PLIN3: variants seen among roughly 807,000 people sequenced by gnomAD.
The protein encoded by PLIN3 is perilipin 3, also known as perilipin-3.
A neutral mutation model predicts 35.9 loss-of-function variants in PLIN3; 30 were observed. The observed-to-expected ratio is 0.84, with a 90% confidence interval of 0.62 to 1.13. PLIN3 has a LOEUF of 1.13. Ranked by LOEUF, PLIN3 falls within the 50% of genes most tolerant of loss-of-function variation. PLIN3 has a pLI of 0.00. For missense variants in PLIN3, 603 were observed against 596.9 expected (o/e 1.01, Z -0.11); for synonymous variants, 261 against 262.5 (o/e 0.99, Z 0.06).
At chr19:4,844,942 C>T (rs2030037475) in intron 6 of PLIN3, 149 bp from the exon 7 acceptor site, 13 of 905,936 alleles carry the variant, frequency 1.4e-5, no homozygotes, top group Non-Finnish European at 2.1e-5. Context: ...TTCCTGGCTA[C>T]GGTGAGCTCT....
Position 4,844,526 on chromosome 19 carries a change from C to CTGAAGGAGG in PLIN3, c.960+133_960+141dup. 4.6e-6 allele frequency: 4 copies of CTGAAGGAGG among 874,130 alleles called. No homozygotes were observed. The South Asian group carries it at 8.5e-5, about 19-fold the overall frequency. 54.1% of individuals were successfully genotyped at this position (874,130 alleles called of 1,614,324 possible). A position where few individuals can be genotyped will look rare whatever the true frequency, so the allele number is the denominator to read the frequency against. ...AAGAGGAGAAATCAAGGCAGGCTTC[C>CTGAAGGAGG]TGAAGGAGGTGTCATTAGCTTCCAA... On this transcript the variant is annotated intron_variant, in intron 7 of 7. Transcript: ENST00000221957.
In PLIN3 at chr19:4,839,312, G is replaced by A. The variant is rs753453574; in HGVS notation, c.1185C>T (p.Ala395=). 6.2e-7 allele frequency: 1 copy of A among 1,613,908 alleles called. No homozygotes were observed. Among genetic ancestry groups the A allele is most frequent in the Non-Finnish European group, 8.5e-7 (1 of 1,179,990 alleles). Residue 395 remains alanine, a synonymous_variant, in exon 8 of 8, where the codon GCC becomes GCT. Transcript: ENST00000221957. ...SILAQSRERV[A]SAREALDHMV... ...TGTGGTCCAGGGCCTCGCGGGCGCTGGCGACACGCTCACGGCTCTGGGCCA... is the reference window on the plus strand; with the variant it reads ...TGTGGTCCAGGGCCTCGCGGGCGCTAGCGACACGCTCACGGCTCTGGGCCA...
intron 5 of PLIN3, among the ~76,000 whole-genome samples, chr19:4,851,577 T>G (rs895696157): frequency 2.6e-5 from 4 of 152,042 alleles, no homozygotes; most frequent in African/African-American, 9.7e-5. Context: ...AACACCAGCA[T>G]TGTTGTCACA....
At chr19:4,864,098 AGTGTGTGTGTGTGTGTGT>A (rs71170861) in intron 1 of PLIN3, among the ~76,000 whole-genome samples, 41,731 of 125,000 alleles carry the variant, frequency 0.33, 7,401 homozygotes, top group Non-Finnish European at 0.38. Flanking sequence ...ACACCTGGCT[AGTGTGTGTGTGTGTGTGT>A]GTGTGTGTGT....
At position 4,854,209 on chromosome 19, in the gene PLIN3, C is replaced by T. The variant is rs143491331; in HGVS notation, c.349-1908G>A. Among the ~76,000 whole-genome samples, 700 of 151,950 alleles carry T rather than the reference C, an allele frequency of 4.6e-3. 2 individuals carry two copies. The highest frequency in any genetic ancestry group is 0.014 in the Middle Eastern group (4 of 294). On this transcript the variant is annotated intron_variant, in intron 4 of 7. Transcript: ENST00000221957. Reference sequence around the variant, plus strand: ...TGGCCTCCCAAAGTGCTGGGATGACCGACATGAGCCACTGTGTCCAGCTGA... The same window carrying T: ...TGGCCTCCCAAAGTGCTGGGATGACTGACATGAGCCACTGTGTCCAGCTGA...
chr19:4,841,347 G>A (rs914051095), intron 7 of PLIN3, among the ~76,000 whole-genome samples: 12 of 152,138 alleles, frequency 7.9e-5, no homozygotes, highest in Admixed American at 6.6e-4. Context: ...CGCTCAGCGC[G>A]AGAAGCCGGA....
chr19:4,852,401 A>G (rs2030331455), intron 4 of PLIN3, 100 bp from the exon 5 acceptor site: 5 of 1,400,350 alleles, frequency 3.6e-6, no homozygotes, highest in Non-Finnish European at 4.8e-6. Context: ...GGGGAGCGCC[A>G]TCCCCCGGGT....
chr19:4,861,041 T>C (rs2030657297), intron 2 of PLIN3, among the ~76,000 whole-genome samples: 1 of 152,118 alleles, frequency 6.6e-6, no homozygotes, highest in South Asian at 2.1e-4. Context: ...TCCTAGGACG[T>C]CCCTGAGAGA....
chr19:4,845,057 G>C (rs938757440), intron 6 of PLIN3, among the ~76,000 whole-genome samples: 3 of 152,134 alleles, frequency 2.0e-5, no homozygotes, highest in African/African-American at 7.2e-5. Flanking sequence ...TTTCTCCTGC[G>C]CTTGCAAGGG....
chr19:4,845,368 G>A (rs1006932573), intron 6 of PLIN3, among the ~76,000 whole-genome samples: 3 of 152,172 alleles, frequency 2.0e-5, no homozygotes, highest in African/African-American at 7.2e-5. Flanking sequence ...GGAGGTTGCA[G>A]TGAGCTGAGA....
chr19:4,857,578 A>T (rs76412190), intron 4 of PLIN3, among the ~76,000 whole-genome samples: 5,707 of 149,164 alleles, frequency 0.038, 387 homozygotes, highest in African/African-American at 0.13. Context: ...CAAAAAAAAA[A>T]TTTTTTTTTT....
At chr19:4,866,888 T>A (rs2030876758) in intron 1 of PLIN3, 1 of 152,572 alleles carries the variant, frequency 6.6e-6, no homozygotes, top group Admixed American at 6.5e-5. Context: ...GCCTTGCCGC[T>A]GGCTCCAGAA....
At chr19:4,852,942 G>A (rs2030351076) in intron 4 of PLIN3, among the ~76,000 whole-genome samples, 1 of 152,060 alleles carries the variant, frequency 6.6e-6, no homozygotes, top group Non-Finnish European at 1.5e-5. Flanking sequence ...AGCCTCCCGA[G>A]TAGCTGGGAT....
At chr19:4,845,539 G>C (rs960286693) in intron 6 of PLIN3, among the ~76,000 whole-genome samples, 3 of 152,146 alleles carry the variant, frequency 2.0e-5, no homozygotes, top group African/African-American at 7.2e-5. Context: ...GGAGGCCAAG[G>C]GGGTTGGATC....
chr19:4,841,712 C>G (rs1476496376), intron 7 of PLIN3, among the ~76,000 whole-genome samples: 2 of 150,836 alleles, frequency 1.3e-5, no homozygotes, highest in Non-Finnish European at 3.0e-5. Context: ...ACCATCCTGG[C>G]TAACATGGTG....
At chr19:4,855,483 T>C (rs930819874) in intron 4 of PLIN3, among the ~76,000 whole-genome samples, 1 of 151,886 alleles carries the variant, frequency 6.6e-6, no homozygotes, top group Non-Finnish European at 1.5e-5. Flanking sequence ...AGCCCACTAT[T>C]GGCCTTTGCT....
At chr19:4,861,723 C>T (rs892468817) in intron 1 of PLIN3, among the ~76,000 whole-genome samples, 5 of 151,806 alleles carry the variant, frequency 3.3e-5, no homozygotes, top group African/African-American at 1.2e-4. Context: ...GCAACCTCCG[C>T]CTCCTGGTTT....
In PLIN3 at chr19:4,862,133, C is replaced by CTT. The variant is rs34562088; in HGVS notation, c.-17-724_-17-723dup. On this transcript the variant is annotated intron_variant, in intron 1 of 7. Transcript: ENST00000221957. ...TTTTCTTTTTGGGTAGAGATGTTAT[C>CTT]TTTTTTTTTTTTTTTTGAGACAGAG... Among the ~76,000 whole-genome samples, 836 of 131,010 alleles carry CTT rather than the reference C, an allele frequency of 6.4e-3. 11 individuals are homozygous for CTT. The highest frequency in any genetic ancestry group is 0.021 in the Middle Eastern group (5 of 236). The allele number at this position is 131,010 out of a possible 152,430, so 85.9% of individuals were successfully genotyped here. A position where few individuals can be genotyped will look rare whatever the true frequency, so the allele number is the denominator to read the frequency against.
intron 6 of PLIN3, among the ~76,000 whole-genome samples, chr19:4,846,282 C>T (rs975936895): frequency 1.3e-5 from 2 of 150,730 alleles, no homozygotes; most frequent in East Asian, 3.9e-4. Context: ...TGATCATCCA[C>T]TCCAGCCTGG....
Sources: gnomAD v4.1 joint callset for allele counts (sites outside exome capture counted in the v4.1 genomes callset) on GRCh38, gnomAD v4.1.1 for gene constraint, MANE v1.5 for transcripts, NCBI Gene and HGNC (gene_info 2026-07-23, HGNC 2026-07-21) for gene names.